Variants in CFAP47 observed in about 807,000 individuals in gnomAD.
The protein encoded by CFAP47 is cilia and flagella associated protein 47.
Under a neutral mutation model 148.1 loss-of-function variants are expected in CFAP47, and 29 were observed. The ratio of observed to expected loss-of-function variants is 0.20; its 90% confidence interval spans 0.15 to 0.27. The LOEUF is 0.27. Among genes scored for constraint, CFAP47 ranks in the 10% least tolerant of loss-of-function variants. CFAP47 has a pLI of 1.00. For synonymous variants in CFAP47, 664 were observed against 577.3 expected (o/e 1.15, Z -2.15); for missense variants, 1,872 against 1,697.5 (o/e 1.10, Z -1.81).
At chrX:36,268,451 G>A (rs1951512166) in intron 49 of CFAP47, among the ~76,000 whole-genome samples, 1 of 112,488 alleles carries the variant, frequency 8.9e-6, no homozygotes, top group Admixed American at 9.4e-5. Context: ...TTATATATTA[G>A]ATAAATAGTT....
At chrX:36,279,780 C>T in intron 49 of CFAP47, among the ~76,000 whole-genome samples, 1 of 111,342 alleles carries the variant, frequency 9.0e-6, no homozygotes, top group East Asian at 2.8e-4. Flanking sequence ...TCTCAGCTCA[C>T]TGCAACTTCC....
At chrX:35,958,005 A>G (rs992471661) in intron 8 of CFAP47, among the ~76,000 whole-genome samples, 1 of 111,508 alleles carries the variant, frequency 9.0e-6, no homozygotes, top group African/African-American at 3.3e-5. Context: ...CTTCACCCCA[A>G]AAAGAAACTC....
chrX:36,226,169 T>C (rs1940267907), intron 45 of CFAP47, among the ~76,000 whole-genome samples: 1 of 111,906 alleles, frequency 8.9e-6, no homozygotes, highest in East Asian at 2.8e-4. Context: ...ATGTGAGAAC[T>C]GAGTACCATT....
chrX:36,297,013 T>G (rs1319381695), intron 51 of CFAP47, among the ~76,000 whole-genome samples: 1 of 112,141 alleles, frequency 8.9e-6, no homozygotes, highest in African/African-American at 3.2e-5. Context: ...AATGCCCACT[T>G]ATTTTAAGAA....
At chrX:35,926,192 C>G (rs1190803344) in intron 2 of CFAP47, 24 bp downstream of exon 2, 1 of 1,123,261 alleles carries the variant, frequency 8.9e-7, no homozygotes, top group Admixed American at 2.3e-5. Context: ...ATAGTTCATG[C>G]TGACATTTTG....
In CFAP47 at chrX:36,223,176, C is replaced by T. The variant is rs1207893711; in HGVS notation, c.6818-5452C>T. Reference sequence around the variant, plus strand: ...AGCCAAGCAGATACTTCCATGCTTCCTTTATAGCTTACAGAACCGTGAGCA... The same window carrying T: ...AGCCAAGCAGATACTTCCATGCTTCTTTTATAGCTTACAGAACCGTGAGCA... On this transcript the variant is annotated intron_variant, in intron 45 of 63. Transcript: ENST00000378653. Among the ~76,000 whole-genome samples the T allele has an allele frequency of 1.1e-4, 12 of 111,164 alleles. No individual in the cohort carries two copies. The Admixed American group carries it at 1.2e-3, about 11-fold the overall frequency.
intron 1 of CFAP47, among the ~76,000 whole-genome samples, chrX:35,920,817 T>G (rs1935566012): frequency 8.9e-6 from 1 of 111,807 alleles, no homozygotes; most frequent in Admixed American, 9.6e-5. Flanking sequence ...CAAGAGATAT[T>G]CCTAATAAAA....
intron 39 of CFAP47, among the ~76,000 whole-genome samples, chrX:36,173,351 G>A (rs1255293672): frequency 9.0e-6 from 1 of 111,444 alleles, no homozygotes; most frequent in Non-Finnish European, 1.9e-5. Flanking sequence ...GCTTTTGGAT[G>A]TGTTTGCTCT....
rs2146882546 is a variant in CFAP47 at position 36,201,475 on chromosome X, C to T, written c.6638C>T (p.Ala2213Val). 3.4e-6 allele frequency: 1 copy of T among 295,104 alleles called. No individual in the cohort carries two copies. Among genetic ancestry groups the T allele is most frequent in the Non-Finnish European group, 5.9e-6 (1 of 169,596 alleles). 24.3% of individuals were successfully genotyped at this position (295,104 alleles called of 1,213,427 possible). Residue 2213 changes from alanine to valine, a missense_variant, in exon 44 of 64, where the codon GCC becomes GTC. By Grantham distance (64) the Ala-to-Val change is moderately conservative. Coordinates refer to ENST00000378653, the MANE Select transcript of CFAP47 (RefSeq NM_001304548.2). ...LESSSIRVAI[A>V]LLGLTKIETL... ...AGCAGTAGTATCCGTGTGGCCATCG[C>T]CCTCCTGGGACTGACGAAGATCGAG...
rs930672277 is a variant in CFAP47, at chrX:36,182,410, A to G, written c.6104+2988A>G. Among the ~76,000 whole-genome samples, 3 of 112,032 alleles carry G rather than the reference A, an allele frequency of 2.7e-5. No homozygotes were observed. The Admixed American group carries it at 2.8e-4, about 11-fold the overall frequency. On this transcript the variant is annotated intron_variant, in intron 40 of 63. Coordinates refer to ENST00000378653, the MANE Select transcript of CFAP47 (RefSeq NM_001304548.2). The stretch of plus-strand genomic sequence containing the variant: ...GTCTCCACCATGAAGGGACACAAAG[A>G]CTTTTATCCGCAAGTAGCACAAAAC...
rs1007562674 is a variant in CFAP47, at chrX:36,177,480, T to G, written c.6027-1865T>G. On this transcript the variant is annotated intron_variant, in intron 39 of 63. Coordinates refer to ENST00000378653, the MANE Select transcript of CFAP47 (RefSeq NM_001304548.2). ...TGAAATTTAGATGAGAATTTAGAAT[T>G]TAGTAGCTGACTTTAAATGTAAATT... Among the ~76,000 whole-genome samples, 5 of 111,993 alleles carry G rather than the reference T, an allele frequency of 4.5e-5. No homozygotes were observed. The South Asian group carries it at 1.5e-3, about 33-fold the overall frequency.
rs779980335 is a variant in CFAP47, at chrX:35,975,127, T to C, written c.2255-20T>C. 35 of 1,004,751 alleles carry C rather than the reference T, an allele frequency of 3.5e-5. No homozygotes were observed. Among genetic ancestry groups the C allele is most frequent in the Non-Finnish European group, 4.6e-5 (34 of 743,368 alleles). 82.8% of individuals were successfully genotyped at this position (1,004,751 alleles called of 1,213,427 possible). ...TTTGCCATCTTTAAACTTAACAAAA[T>C]ACTTTTCATTTTTTTTCAGGGCCTT... On this transcript the variant is annotated intron_variant, in intron 13 of 63. Coordinates refer to ENST00000378653, the MANE Select transcript of CFAP47 (RefSeq NM_001304548.2).
chrX:36,376,530 C>T (rs1390726690), intron 62 of CFAP47, among the ~76,000 whole-genome samples: 1 of 112,053 alleles, frequency 8.9e-6, no homozygotes, highest in East Asian at 2.8e-4. Flanking sequence ...AGAAGCTGAG[C>T]ATTTCTTCCC....
At chrX:36,305,700 A>G (rs971849460) in intron 54 of CFAP47, among the ~76,000 whole-genome samples, 20 of 111,849 alleles carry the variant, frequency 1.8e-4, no homozygotes, top group Middle Eastern at 4.9e-3. Flanking sequence ...ATATCCATGG[A>G]GAGAATAAAC....
intron 53 of CFAP47, among the ~76,000 whole-genome samples, chrX:36,301,731 C>G (rs1465384331): frequency 3.0e-4 from 33 of 110,612 alleles, no homozygotes; most frequent in Non-Finnish European, 1.3e-4. Flanking sequence ...ACCTGGCAAA[C>G]TTTCCTCAAG....
At chrX:35,963,809 C>T (rs1936365941) in intron 8 of CFAP47, among the ~76,000 whole-genome samples, 1 of 111,435 alleles carries the variant, frequency 9.0e-6, no homozygotes, top group African/African-American at 3.2e-5. Flanking sequence ...GTCTCATTCA[C>T]ATTAATGTCA....
intron 15 of CFAP47, among the ~76,000 whole-genome samples, chrX:35,983,664 T>G (rs1936676104): frequency 8.9e-6 from 1 of 112,081 alleles, no homozygotes; most frequent in Admixed American, 9.5e-5. Flanking sequence ...TGAGGGCTTT[T>G]AAACATGAAG....
intron 33 of CFAP47, among the ~76,000 whole-genome samples, chrX:36,134,031 A>T (rs1270707696): frequency 9.0e-6 from 1 of 110,685 alleles, no homozygotes; most frequent in East Asian, 2.8e-4. Flanking sequence ...AACAATTGGA[A>T]TTTAAAATAA....
chrX:36,164,347 G>A (rs921326512), intron 39 of CFAP47, among the ~76,000 whole-genome samples: 5 of 110,784 alleles, frequency 4.5e-5, no homozygotes, highest in African/African-American at 1.6e-4. Context: ...TCTGTCTTTT[G>A]GTGCTCTAAA....
Sources: gnomAD v4.1 joint callset for allele counts (sites outside exome capture counted in the v4.1 genomes callset) on GRCh38, gnomAD v4.1.1 for gene constraint, MANE v1.5 for transcripts, NCBI Gene and HGNC (gene_info 2026-07-23, HGNC 2026-07-21) for gene names.